Variants in WNT3A observed in about 807,000 individuals in gnomAD.
The protein encoded by WNT3A is protein Wnt-3a.
WNT3A carries 17 observed loss-of-function variants against 37.0 expected under a neutral mutation model. The ratio of observed to expected loss-of-function variants is 0.46; its 90% CI spans 0.31 to 0.69. The LOEUF is 0.69. WNT3A is among the 30% of genes least tolerant of loss of function. WNT3A has a pLI of 0.05. For missense variants in WNT3A, 411 were observed against 510.2 expected, an observed-to-expected ratio of 0.81 and a Z score of 1.87; for synonymous variants, 187 against 211.0, an observed-to-expected ratio of 0.89 and a Z score of 0.99.
chr1:228,044,251 G>T (rs1177065895), intron 2 of WNT3A, among the ~76,000 whole-genome samples: 2 of 152,180 alleles, frequency 1.3e-5, no homozygotes. Context: ...TCGCAGGAGT[G>T]GCACTGAGAG....
chr1:228,026,006 G>A (rs911203287), intron 2 of WNT3A, among the ~76,000 whole-genome samples: 3 of 150,804 alleles, frequency 2.0e-5, no homozygotes, highest in African/African-American at 7.3e-5. Flanking sequence ...CAATCCTCTC[G>A]CCTTGGCCTT....
In WNT3A at chr1:228,022,766, G is replaced by T; in HGVS notation, c.171G>T (p.Arg57Ser). ...TCCCCAAGCAGCTCCGCTTCTGCAG[G>T]AACTACGTGGAGATCATGCCCAGCG... ...GLVPKQLRFC[R>S]NYVEIMPSVA... The change falls in exon 2 of 4, where the codon AGG becomes AGT. Residue 57 changes from arginine (R) to serine (S), a missense_variant. Transcript: ENST00000284523. 1 of 1,614,170 alleles carries T rather than the reference G, an allele frequency of 6.2e-7. No individual in the cohort carries two copies.
intron 2 of WNT3A, 56 bp downstream of exon 2, chr1:228,022,964 G>T: frequency 1.3e-6 from 2 of 1,546,926 alleles, no homozygotes; most frequent in Non-Finnish European, 1.7e-6. Flanking sequence ...AGAGTCTCCC[G>T]CCTAGCGCTG....
intron 3 of WNT3A, 115 bp downstream of exon 3, chr1:228,051,036 G>A (rs2031543281): frequency 1.5e-6 from 2 of 1,323,366 alleles, no homozygotes; most frequent in Non-Finnish European, 2.0e-6. Flanking sequence ...CAGGCTGAGG[G>A]TCTTCTCGAC....
At position 228,060,260 on chromosome 1, in the gene WNT3A, GTAA is replaced by G. The variant is rs1204523547; in HGVS notation, c.*796_*798del. The G allele has an allele frequency of 1.5e-6, 2 of 1,351,592 alleles. No homozygotes were observed. 83.7% of individuals were successfully genotyped at this position (1,351,592 alleles called of 1,614,324 possible). ...CCAGCCACCTCATCCCCAACCCCCT[GTAA>G]GGTTCCATCCACCCCTGCGTCGAGC... On this transcript the variant is annotated 3_prime_UTR_variant, in exon 4 of 4. Coordinates refer to ENST00000284523, the MANE Select transcript of WNT3A (RefSeq NM_033131.4).
chr1:228,013,481 G>C (rs2030436399), intron 1 of WNT3A, among the ~76,000 whole-genome samples: 1 of 152,344 alleles, frequency 6.6e-6, no homozygotes, highest in African/African-American at 2.4e-5. Context: ...GGGCACAGGA[G>C]CCGCTGTGCC....
At chr1:228,012,466 T>A (rs2030401822) in intron 1 of WNT3A, among the ~76,000 whole-genome samples, 1 of 152,138 alleles carries the variant, frequency 6.6e-6, no homozygotes, top group South Asian at 2.1e-4. Context: ...ACCAACCACG[T>A]CCCTCTGTTG....
At position 228,038,626 on chromosome 1, in the gene WNT3A, A is replaced by G. The variant is rs908351696; in HGVS notation, c.314-12030A>G. Among the ~76,000 whole-genome samples the G allele has an allele frequency of 7.9e-5, 12 of 152,168 alleles. No individual in the cohort carries two copies. The highest frequency in any genetic ancestry group is 1.8e-4 in the Non-Finnish European group (12 of 68,030). ...GCAGGCAGGAGATGGGGGCAGCACC[A>G]GGAGGGAGGGACCCAATGCATTCGG... On this transcript the variant is annotated intron_variant, in intron 2 of 3. Transcript: ENST00000284523. The surrounding 1 kb of genome is among the most constrained non-coding windows in gnomAD (Gnocchi z 5.7).
At position 228,037,089 on chromosome 1, in the gene WNT3A, T is replaced by G. The variant is rs1056296755; in HGVS notation, c.314-13567T>G. Among the ~76,000 whole-genome samples the G allele has an allele frequency of 6.6e-6, 1 of 152,054 alleles. No homozygotes were observed. The highest frequency in any genetic ancestry group is 1.5e-5 in the Non-Finnish European group (1 of 67,972). ...GCATGGGGAGGTATGCAATCTCTTG[T>G]GCTTCCCAAGTAAGTGTGCTTCCCA... On this transcript the variant is annotated intron_variant, in intron 2 of 3. Transcript: ENST00000284523. This position sits in a 1 kb window ranked among gnomAD's most constrained non-coding sequence, Gnocchi z 4.1.
At chr1:228,033,966 A>G (rs1331728580) in intron 2 of WNT3A, among the ~76,000 whole-genome samples, 1 of 152,172 alleles carries the variant, frequency 6.6e-6, no homozygotes, top group African/African-American at 2.4e-5. Context: ...ACTAGTGTAT[A>G]GAAACACAAA....
At chr1:228,015,126 A>T (rs2030487191) in intron 1 of WNT3A, among the ~76,000 whole-genome samples, 2 of 152,236 alleles carry the variant, frequency 1.3e-5, no homozygotes, top group African/African-American at 2.4e-5. Context: ...GGATAGAAAC[A>T]GTTTGTGTTC....
chr1:228,029,836 C>G (rs1050562815), intron 2 of WNT3A, among the ~76,000 whole-genome samples: 1 of 151,586 alleles, frequency 6.6e-6, no homozygotes, highest in Non-Finnish European at 1.5e-5. Flanking sequence ...AGGATAAAGC[C>G]TCATGAGTGG....
intron 1 of WNT3A, among the ~76,000 whole-genome samples, chr1:228,018,682 AT>A (rs1055181200): frequency 6.8e-4 from 103 of 152,204 alleles, no homozygotes; most frequent in African/African-American, 2.4e-3. Flanking sequence ...ATGAGCCACC[AT>A]GCCCAGCCTT....
intron 1 of WNT3A, among the ~76,000 whole-genome samples, chr1:228,010,495 C>A (rs708116): frequency 0.48 from 73,667 of 151,896 alleles, 18,374 homozygotes; most frequent in Middle Eastern, 0.62. Flanking sequence ...GGGACCCACA[C>A]CCTCCCAGCC....
At chr1:228,028,272 A>G (rs1387492313) in intron 2 of WNT3A, among the ~76,000 whole-genome samples, 1 of 144,616 alleles carries the variant, frequency 6.9e-6, no homozygotes. Context: ...GCTATTTGGG[A>G]TCTTTTTTGG....
In WNT3A at chr1:228,022,949, G is replaced by A. The variant is rs1322213552; in HGVS notation, c.313+41G>A. 4.5e-6 allele frequency: 7 copies of A among 1,566,330 alleles called. No individual in the cohort carries two copies. The Admixed American group carries it at 1.0e-4, about 23-fold the overall frequency. On this transcript the variant is annotated intron_variant, in intron 2 of 3. Coordinates refer to ENST00000284523, the MANE Select transcript of WNT3A (RefSeq NM_033131.4). Reference sequence around the variant, plus strand: ...GGGGGAGGGCAGATGAGTCTGGAGTGGGACAGAGTCTCCCGCCTAGCGCTG... The same window carrying A: ...GGGGGAGGGCAGATGAGTCTGGAGTAGGACAGAGTCTCCCGCCTAGCGCTG...
chr1:228,046,903 G>A (rs551711787), intron 2 of WNT3A, among the ~76,000 whole-genome samples: 47 of 152,262 alleles, frequency 3.1e-4, no homozygotes, highest in African/African-American at 6.3e-4. Flanking sequence ...GTCTGTGTGC[G>A]CACGCATGTG....
chr1:228,012,573 A>G (rs2030405391), intron 1 of WNT3A, among the ~76,000 whole-genome samples: 1 of 152,122 alleles, frequency 6.6e-6, no homozygotes, highest in Middle Eastern at 3.2e-3. Context: ...GCCCTCATCC[A>G]TTGGATTTTT....
At position 228,039,776 on chromosome 1, in the gene WNT3A, A is replaced by G. The variant is rs7539664; in HGVS notation, c.314-10880A>G. Among the ~76,000 whole-genome samples, 2 of 152,142 alleles carry G rather than the reference A, an allele frequency of 1.3e-5. No homozygotes were observed. The highest frequency in any genetic ancestry group is 2.1e-4 in the South Asian group (1 of 4,830). On this transcript the variant is annotated intron_variant, in intron 2 of 3. Coordinates refer to ENST00000284523, the MANE Select transcript of WNT3A (RefSeq NM_033131.4). The surrounding 1 kb of genome is among the most constrained non-coding windows in gnomAD (Gnocchi z 4.1). Reference sequence around the variant, plus strand: ...GGAAGCCTCCAGTCCTAATTCCCTGATGGGCTTCCCAGAGGGGCCAGCCTG... The same window carrying G: ...GGAAGCCTCCAGTCCTAATTCCCTGGTGGGCTTCCCAGAGGGGCCAGCCTG...
Sources: allele counts gnomAD v4.1 joint callset (sites outside exome capture counted in the v4.1 genomes callset), GRCh38; gene constraint gnomAD v4.1.1; non-coding constraint Gnocchi (gnomAD v3.1); transcripts MANE v1.5; gene names NCBI Gene and HGNC (gene_info 2026-07-23, HGNC 2026-07-21).